MYO18B: variants seen among roughly 807,000 people sequenced by gnomAD.
MYO18B encodes myosin XVIIIB.
MYO18B carries 204 observed loss-of-function variants against 273.0 expected under a neutral mutation model. The ratio of observed to expected loss-of-function variants is 0.75; its 90% CI spans 0.67 to 0.84. The LOEUF (loss-of-function observed/expected upper bound fraction) is 0.84. Ranked by LOEUF, MYO18B falls within the 40% of genes least tolerant of loss-of-function variation. MYO18B has a pLI of 0.00. For missense variants in MYO18B, 3,212 were observed against 3,287.6 expected (o/e 0.98, Z 0.56); for synonymous variants, 1,330 against 1,305.7 (o/e 1.02, Z -0.40).
intron 40 of MYO18B, among the ~76,000 whole-genome samples, chr22:25,998,257 G>C (rs1933551213): frequency 6.6e-6 from 1 of 152,158 alleles, no homozygotes; most frequent in Non-Finnish European, 1.5e-5. Flanking sequence ...CAGTCACCCA[G>C]GCCTAAAGTA....
At chr22:25,846,461 C>A (rs1427744979) in intron 19 of MYO18B, among the ~76,000 whole-genome samples, 178 bp downstream of exon 19, 1 of 152,206 alleles carries the variant, frequency 6.6e-6, no homozygotes, top group Non-Finnish European at 1.5e-5. Context: ...TGAAACTTGG[C>A]CCTGGTCACA....
chr22:25,984,109 T>C (rs1175049365), intron 39 of MYO18B, among the ~76,000 whole-genome samples: 2 of 150,726 alleles, frequency 1.3e-5, no homozygotes, highest in African/African-American at 4.9e-5. Context: ...CCAATTTAGG[T>C]AGGTGAGGTG....
chr22:25,980,575 C>T (rs7287110), intron 39 of MYO18B, among the ~76,000 whole-genome samples: 9,378 of 152,126 alleles, frequency 0.062, 411 homozygotes, highest in African/African-American at 0.12. Flanking sequence ...TATACTCATA[C>T]GCAGAAATCA....
In MYO18B at chr22:25,872,130, A is replaced by C. The variant is rs138030923; in HGVS notation, c.3952-2156A>C. Among the ~76,000 whole-genome samples, 15 of 152,322 alleles carry C rather than the reference A, an allele frequency of 9.8e-5. No homozygotes were observed. In the East Asian group the frequency reaches 2.9e-3, roughly 29 times the overall value. Reference sequence around the variant, plus strand: ...CCTGTCTGATAGGAAGTGTTCTGCAAAGCCATGGAGGGTTAGGAAACAGAG... The same window carrying C: ...CCTGTCTGATAGGAAGTGTTCTGCACAGCCATGGAGGGTTAGGAAACAGAG... On this transcript the variant is annotated intron_variant, in intron 22 of 43. Coordinates refer to ENST00000335473, the MANE Select transcript of MYO18B (RefSeq NM_032608.7).
At chr22:25,798,910 A>C (rs1412471717) in intron 12 of MYO18B, among the ~76,000 whole-genome samples, 1 of 151,962 alleles carries the variant, frequency 6.6e-6, no homozygotes, top group East Asian at 1.9e-4. Context: ...GTTCCCTGCC[A>C]CATGCCCTGA....
intron 39 of MYO18B, among the ~76,000 whole-genome samples, chr22:25,982,658 C>T (rs2093161297): frequency 6.6e-6 from 1 of 152,046 alleles, no homozygotes; most frequent in African/African-American, 2.4e-5. Context: ...CTTCCATCCA[C>T]ATCCACATTG....
At chr22:25,805,497 T>C (rs1452973144) in intron 12 of MYO18B, among the ~76,000 whole-genome samples, 1 of 152,184 alleles carries the variant, frequency 6.6e-6, no homozygotes, top group African/African-American at 2.4e-5. Context: ...TATGATCACG[T>C]CACCCAATTG....
rs532022128 is a variant in MYO18B at position 25,855,839 on chromosome 22, T to G, written c.3885+4260T>G. 2.4e-4 allele frequency among the ~76,000 whole-genome samples: 37 copies of G among 151,814 alleles called. No homozygotes were observed. In the South Asian group the frequency reaches 7.3e-3, roughly 30 times the overall value. On this transcript the variant is annotated intron_variant, in intron 21 of 43. Transcript: ENST00000335473. ...CTACTTTCTTTCTTTTTTTTTTTTT[T>G]GAACTCTTGTTTTAGGTTCAGGGGA...
rs182254961 is a variant in MYO18B at position 25,753,560 on chromosome 22, C to T, written c.-109-7424C>T. Among the ~76,000 whole-genome samples the T allele has an allele frequency of 9.2e-5, 14 of 152,304 alleles. No homozygotes were observed. The East Asian group carries it at 2.1e-3, about 23-fold the overall frequency. On this transcript the variant is annotated intron_variant, in intron 1 of 43. Coordinates refer to ENST00000335473, the MANE Select transcript of MYO18B (RefSeq NM_032608.7). ...GCGTTGTGGGGTGGTTGTGTTTTCGCTCTTTGCAATAATTCTTGCTGCTGG... is the reference window on the plus strand; with the variant it reads ...GCGTTGTGGGGTGGTTGTGTTTTCGTTCTTTGCAATAATTCTTGCTGCTGG...
At chr22:26,001,455 A>G (rs918655564) in intron 40 of MYO18B, among the ~76,000 whole-genome samples, 6 of 152,168 alleles carry the variant, frequency 3.9e-5, no homozygotes, top group Non-Finnish European at 8.8e-5. Flanking sequence ...GTGAGAGAGA[A>G]GCCTGATAGG....
At chr22:25,997,966 C>G (rs56382376) in intron 40 of MYO18B, among the ~76,000 whole-genome samples, 9 of 122,370 alleles carry the variant, frequency 7.4e-5, no homozygotes, top group Admixed American at 7.0e-4. Flanking sequence ...CAAACACACA[C>G]ACACACACAC....
chr22:25,858,239 C>CA (rs2090630626), intron 21 of MYO18B, among the ~76,000 whole-genome samples: 1 of 152,124 alleles, frequency 6.6e-6, no homozygotes, highest in Admixed American at 6.5e-5. Context: ...TCTATGAATC[C>CA]ACGCCCTTGA....
intron 34 of MYO18B, among the ~76,000 whole-genome samples, chr22:25,930,313 A>C (rs2092480387): frequency 6.6e-6 from 1 of 151,480 alleles, no homozygotes; most frequent in Non-Finnish European, 1.5e-5. Flanking sequence ...TTTTTTCTAA[A>C]CCCTTAAAGG....
downstream of MYO18B, among the ~76,000 whole-genome samples, chr22:26,034,169 G>A (rs1936731968): frequency 6.6e-6 from 1 of 152,132 alleles, no homozygotes; most frequent in South Asian, 2.1e-4. Context: ...GCCAGGCTTT[G>A]AGCCTCTTTC....
chr22:25,850,414 G>A (rs2090390945), intron 20 of MYO18B, among the ~76,000 whole-genome samples: 1 of 152,014 alleles, frequency 6.6e-6, no homozygotes, highest in Non-Finnish European at 1.5e-5. Context: ...ATTTTGTGTT[G>A]TGTAACTAGG....
chr22:26,062,037 ACTTTT>A, the MYO18B span, among the ~76,000 whole-genome samples: 1 of 152,200 alleles, frequency 6.6e-6, no homozygotes, highest in Non-Finnish European at 1.5e-5. Context: ...TGAGCATGGA[ACTTTT>A]CTTCTCTGTG....
intron 39 of MYO18B, among the ~76,000 whole-genome samples, chr22:25,962,530 T>C (rs892710959): frequency 6.6e-6 from 1 of 152,210 alleles, no homozygotes; most frequent in Non-Finnish European, 1.5e-5. Flanking sequence ...TGTTTGTATC[T>C]TACTATGTAC....
chr22:26,020,870 CTT>C (rs1935757859), intron 42 of MYO18B, among the ~76,000 whole-genome samples: 1 of 152,162 alleles, frequency 6.6e-6, no homozygotes, highest in Non-Finnish European at 1.5e-5. Context: ...GGGTGGATCA[CTT>C]GAGGTCAGGA....
chr22:25,916,113 T>C (rs2092257525), intron 33 of MYO18B, among the ~76,000 whole-genome samples: 1 of 152,218 alleles, frequency 6.6e-6, no homozygotes, highest in Non-Finnish European at 1.5e-5. Flanking sequence ...ATCTAATTTT[T>C]CAAATAGGTT....
Sources: allele counts gnomAD v4.1 joint callset (sites outside exome capture counted in the v4.1 genomes callset), GRCh38; gene constraint gnomAD v4.1.1; transcripts MANE v1.5; gene names NCBI Gene and HGNC (gene_info 2026-07-23, HGNC 2026-07-21).